The following ETV6 variants were observed in gnomAD, a reference collection of about 807,000 sequenced individuals.
ETV6 encodes the protein ETS variant transcription factor 6, also known as transcription factor ETV6.
In ETV6, 16 loss-of-function variants were observed where a neutral mutation model predicts 51.1. The ratio of observed to expected loss-of-function variants is 0.31; its 90% confidence interval spans 0.21 to 0.48. The LOEUF (loss-of-function observed/expected upper bound fraction) is 0.48. Ranked by LOEUF, ETV6 falls within the 20% of genes least tolerant of loss-of-function variation. The pLI, the probability that ETV6 is intolerant of heterozygous loss-of-function variation, is 0.99. For synonymous variants in ETV6, 240 were observed against 224.1 expected, an observed-to-expected ratio of 1.07 and a Z score of -0.64; for missense variants, 458 against 594.8, an observed-to-expected ratio of 0.77 and a Z score of 2.39.
chr12:11,770,373 C>T (rs375666776), intron 2 of ETV6, among the ~76,000 whole-genome samples: 17 of 151,926 alleles, frequency 1.1e-4, no homozygotes, highest in African/African-American at 3.4e-4. Context: ...ACTTACCTCA[C>T]GCTTACTAGA....
rs569725951 is a variant in ETV6 at position 11,656,517 on chromosome 12, G to A, written c.33+6357G>A. Among the ~76,000 whole-genome samples the A allele has an allele frequency of 9.5e-4, 144 of 152,260 alleles. 1 individual carries two copies. The highest frequency in any genetic ancestry group is 3.2e-3 in the African/African-American group (135 of 41,554). On this transcript the variant is annotated intron_variant, in intron 1 of 7. Coordinates refer to ENST00000396373, the MANE Select transcript of ETV6 (RefSeq NM_001987.5). ...TCTTCCTAGCCATTACACAAGTAGC[G>A]GGGACAACCAGATGGTCACACAAAG...
chr12:11,816,362 A>G (rs1945993882), intron 2 of ETV6, among the ~76,000 whole-genome samples: 1 of 152,154 alleles, frequency 6.6e-6, no homozygotes, highest in African/African-American at 2.4e-5. Context: ...CTCCTCCCTC[A>G]GCCTCCCAAG....
chr12:11,811,120 C>A (rs1945906364), intron 2 of ETV6, among the ~76,000 whole-genome samples: 1 of 152,090 alleles, frequency 6.6e-6, no homozygotes, highest in Non-Finnish European at 1.5e-5. Context: ...TTTTTGTCTT[C>A]TCTAACTCAA....
intron 2 of ETV6, among the ~76,000 whole-genome samples, chr12:11,756,357 G>C (rs1021562120): frequency 6.6e-6 from 1 of 152,132 alleles, no homozygotes; most frequent in Non-Finnish European, 1.5e-5. Context: ...AAGTATGTTT[G>C]TTGAGAGGAT....
At chr12:11,658,731 A>G (rs1864047490) in intron 1 of ETV6, among the ~76,000 whole-genome samples, 3 of 152,254 alleles carry the variant, frequency 2.0e-5, no homozygotes, top group Non-Finnish European at 2.9e-5. Flanking sequence ...AATTGAATAC[A>G]AGCCTCAACA....
At chr12:11,652,586 G>C (rs1045625118) in intron 1 of ETV6, among the ~76,000 whole-genome samples, 3 of 152,172 alleles carry the variant, frequency 2.0e-5, no homozygotes, top group African/African-American at 7.2e-5. Flanking sequence ...ACTGTGGAGA[G>C]GTTTTTCCCA....
At chr12:11,855,442 C>T (rs191198476) in intron 4 of ETV6, among the ~76,000 whole-genome samples, 29 of 152,300 alleles carry the variant, frequency 1.9e-4, no homozygotes, top group Middle Eastern at 3.4e-3. Flanking sequence ...AGACCACAGA[C>T]GTCCAAACGT....
intron 2 of ETV6, among the ~76,000 whole-genome samples, chr12:11,815,096 G>T (rs950075001): frequency 6.6e-6 from 1 of 152,038 alleles, no homozygotes; most frequent in Admixed American, 6.6e-5. Flanking sequence ...GTCAAATCAC[G>T]CCCCAGAATA....
chr12:11,809,706 A>G (rs1945883563), intron 2 of ETV6, among the ~76,000 whole-genome samples: 1 of 151,864 alleles, frequency 6.6e-6, no homozygotes, highest in South Asian at 2.1e-4. Flanking sequence ...GTGTCCCTTA[A>G]TCCATAATTA....
chr12:11,794,695 G>A (rs1364255508), intron 2 of ETV6, among the ~76,000 whole-genome samples: 1 of 152,192 alleles, frequency 6.6e-6, no homozygotes, highest in Non-Finnish European at 1.5e-5. Context: ...AGATAAACCA[G>A]TCATTTCAGA....
intron 1 of ETV6, among the ~76,000 whole-genome samples, chr12:11,669,473 C>T (rs1864270341): frequency 1.4e-5 from 2 of 144,620 alleles, no homozygotes; most frequent in African/African-American, 2.5e-5. Flanking sequence ...TTCCTTTCTT[C>T]TTTTTGAGGC....
At chr12:11,663,661 G>C (rs918719071) in intron 1 of ETV6, among the ~76,000 whole-genome samples, 3 of 152,188 alleles carry the variant, frequency 2.0e-5, no homozygotes, top group Admixed American at 1.3e-4. Flanking sequence ...TTAGCAAGCT[G>C]TTTCTAAGAG....
chr12:11,721,089 G>A (rs1291051345), intron 1 of ETV6, among the ~76,000 whole-genome samples: 4 of 152,198 alleles, frequency 2.6e-5, no homozygotes, highest in Non-Finnish European at 2.9e-5. Flanking sequence ...AGGCTATGGA[G>A]AAAAGGGAAT....
intron 1 of ETV6, among the ~76,000 whole-genome samples, chr12:11,700,728 A>G (rs1864963145): frequency 1.3e-5 from 2 of 152,320 alleles, no homozygotes; most frequent in African/African-American, 4.8e-5. Context: ...AAAGGTCTTC[A>G]TCTTCATCAT....
intron 3 of ETV6, among the ~76,000 whole-genome samples, chr12:11,848,181 C>T (rs1250006928): frequency 1.3e-5 from 2 of 152,174 alleles, no homozygotes; most frequent in African/African-American, 4.8e-5. Flanking sequence ...CTGCACGTAT[C>T]ATCTCATTTA....
In ETV6 at chr12:11,891,608, A is replaced by C. The variant is rs1303368609; in HGVS notation, c.*562A>C. 1.9e-6 allele frequency: 1 copy of C among 530,696 alleles called. No homozygotes were observed. The highest frequency in any genetic ancestry group is 3.6e-6 in the Non-Finnish European group (1 of 274,484). The allele number at this position is 530,696 out of a possible 1,614,324, so 32.9% of individuals were successfully genotyped here. A position where few individuals can be genotyped will look rare whatever the true frequency, so the allele number is the denominator to read the frequency against. ...ACTGTTGGGTCTTGGCTGAAAAAAA[A>C]AAATGCTTTTAAAAAAGATAAAATG... On this transcript the variant is annotated 3_prime_UTR_variant, in exon 8 of 8. Transcript: ENST00000396373.
At chr12:11,744,224 C>T (rs1270899329) in intron 1 of ETV6, among the ~76,000 whole-genome samples, 2 of 152,184 alleles carry the variant, frequency 1.3e-5, no homozygotes, top group Non-Finnish European at 2.9e-5. Flanking sequence ...TGTCTCAGTT[C>T]ATTACTTGTT....
At chr12:11,789,376 A>G (rs1177757568) in intron 2 of ETV6, among the ~76,000 whole-genome samples, 1 of 151,930 alleles carries the variant, frequency 6.6e-6, no homozygotes, top group Non-Finnish European at 1.5e-5. Flanking sequence ...TCCTTCACTA[A>G]TTCATCCGCC....
intron 3 of ETV6, among the ~76,000 whole-genome samples, chr12:11,847,360 C>T (rs1047944684): frequency 1.3e-5 from 2 of 151,960 alleles, no homozygotes; most frequent in East Asian, 1.9e-4. Flanking sequence ...TAGGAGATCA[C>T]GGAATGTGGT....
Sources: gnomAD v4.1 joint callset for allele counts (sites outside exome capture counted in the v4.1 genomes callset) on GRCh38, gnomAD v4.1.1 for gene constraint, MANE v1.5 for transcripts, NCBI Gene and HGNC (gene_info 2026-07-23, HGNC 2026-07-21) for gene names.